Variants in CP observed in about 807,000 individuals in gnomAD.
The protein encoded by CP is caeruloplasmin.
A neutral mutation model predicts 122.4 loss-of-function variants in CP; 64 were observed. The observed-to-expected ratio is 0.52, with a 90% CI of 0.43 to 0.64. The LOEUF (loss-of-function observed/expected upper bound fraction) is 0.64. Among genes scored for constraint, CP ranks in the 30% least tolerant of loss-of-function variants. The pLI, the probability that CP is intolerant of heterozygous loss-of-function variation, is 0.00. For synonymous variants in CP, 440 were observed against 436.4 expected (o/e 1.01, Z -0.10); for missense variants, 1,167 against 1,284.4 (o/e 0.91, Z 1.40).
intron 12 of CP, among the ~76,000 whole-genome samples, chr3:149,184,138 C>T (rs910378594): frequency 2.7e-5 from 4 of 148,040 alleles, no homozygotes; most frequent in Non-Finnish European, 4.5e-5. Flanking sequence ...CGGGTTCACG[C>T]CATTCTCCTG....
intron 8 of CP, among the ~76,000 whole-genome samples, chr3:149,199,466 T>G (rs1028725759): frequency 6.6e-6 from 1 of 152,176 alleles, no homozygotes; most frequent in South Asian, 2.1e-4. Flanking sequence ...AAATGTATAA[T>G]TGATACAACC....
At chr3:149,210,421 T>G (rs1229564108) in intron 2 of CP, 42 bp from the exon 3 acceptor site, 1 of 1,498,744 alleles carries the variant, frequency 6.7e-7, no homozygotes, top group Admixed American at 1.7e-5. Context: ...TGAATGTGTT[T>G]GAACTTAAAT....
intron 14 of CP, among the ~76,000 whole-genome samples, chr3:149,180,772 C>A (rs1223085177): frequency 6.6e-6 from 1 of 152,138 alleles, no homozygotes; most frequent in Non-Finnish European, 1.5e-5. Flanking sequence ...TCTGCTTTTA[C>A]TTATTCTCAT....
At position 149,185,226 on chromosome 3, in the gene CP, T is replaced by C; in HGVS notation, c.2285+13A>G. On this transcript the variant is annotated intron_variant, in intron 12 of 18. Coordinates refer to ENST00000264613, the MANE Select transcript of CP (RefSeq NM_000096.4). ...TTACTGCTGAAATTGGGAATCAGAG[T>C]CTGGAGAATTACTTCTGCTCTTGTA... The C allele has an allele frequency of 1.9e-6, 3 of 1,611,218 alleles. No individual in the cohort carries two copies. Among genetic ancestry groups the C allele is most frequent in the Non-Finnish European group, 2.5e-6 (3 of 1,179,252 alleles).
chr3:149,213,049 CAGTT>C (rs1342704919), intron 1 of CP, among the ~76,000 whole-genome samples: 1 of 152,072 alleles, frequency 6.6e-6, no homozygotes, highest in Admixed American at 6.5e-5. Context: ...TAAAATAAAG[CAGTT>C]AATTAAGACA....
At chr3:149,202,605 C>CT (rs34873592) in intron 6 of CP, among the ~76,000 whole-genome samples, 5,175 of 106,810 alleles carry the variant, frequency 0.048, 231 homozygotes, top group Non-Finnish European at 0.063. Flanking sequence ...TGTTGTTTGT[C>CT]TTTTTTTTTT....
intron 7 of CP, among the ~76,000 whole-genome samples, chr3:149,200,398 T>C (rs1185348539): frequency 6.6e-6 from 1 of 152,234 alleles, no homozygotes; most frequent in Non-Finnish European, 1.5e-5. Context: ...CTATCTGTTC[T>C]TCTGAGTGTA....
intron 5 of CP, among the ~76,000 whole-genome samples, chr3:149,164,861 T>G (rs949992187): frequency 2.6e-5 from 4 of 152,174 alleles, no homozygotes; most frequent in Non-Finnish European, 4.4e-5. Context: ...CTCATGCATC[T>G]TCATCATTTG....
chr3:149,184,028 C>CTT (rs869206210), intron 12 of CP, among the ~76,000 whole-genome samples: 11,594 of 63,360 alleles, frequency 0.18, 3,161 homozygotes, highest in African/African-American at 0.24. Flanking sequence ...TCACTTACTT[C>CTT]TTTTTTTTTT....
At chr3:149,196,556 T>G (rs1726909488) in intron 9 of CP, among the ~76,000 whole-genome samples, 1 of 152,140 alleles carries the variant, frequency 6.6e-6, no homozygotes. Context: ...GAGCCTGGTG[T>G]CTCGTTATAC....
At chr3:149,181,975 C>CCGGG in intron 14 of CP, 30 bp downstream of exon 14, 1 of 1,088,426 alleles carries the variant, frequency 9.2e-7, no homozygotes, top group Non-Finnish European at 1.4e-6. Context: ...TGTTAAAATG[C>CCGGG]ACCACCCCCA....
At position 149,177,930 on chromosome 3, in the gene CP, C is replaced by T. The variant is rs781557084; in HGVS notation, c.2928G>A (p.Val976=). ...FGNLQGLTMH[V]GDEVNWYLMG... ...TCAGATACCAGTTGACTTCATCTCC[C>T]ACGTGCATTGTGAGGCCTTGTAGGT... is the stretch of plus-strand genomic sequence containing the variant. Residue 976 remains valine, a synonymous_variant, in exon 17 of 19, where the codon GTG becomes GTA. Coordinates refer to ENST00000264613, the MANE Select transcript of CP (RefSeq NM_000096.4). The T allele has an allele frequency of 6.2e-7, 1 of 1,613,554 alleles. No homozygotes were observed. The highest frequency in any genetic ancestry group is 8.5e-7 in the Non-Finnish European group (1 of 1,179,506).
chr3:149,220,209 A>G (rs1176192207), intron 1 of CP, among the ~76,000 whole-genome samples: 3 of 152,074 alleles, frequency 2.0e-5, no homozygotes, highest in African/African-American at 7.2e-5. Context: ...TTTTTTTTTG[A>G]AGCATATTCA....
At position 149,188,226 on chromosome 3, in the gene CP, T is replaced by C. The variant is rs201297764; in HGVS notation, c.1714-24A>G. Reference sequence around the variant, plus strand: ...TTCTGTAAATCAAAACAAAATGAGATGGAGACAGAATGAATAAAGCAGAAG... The same window carrying C: ...TTCTGTAAATCAAAACAAAATGAGACGGAGACAGAATGAATAAAGCAGAAG... On this transcript the variant is annotated intron_variant, in intron 9 of 18. Coordinates refer to ENST00000264613, the MANE Select transcript of CP (RefSeq NM_000096.4). 8.6e-5 allele frequency: 137 copies of C among 1,600,062 alleles called. No individual in the cohort carries two copies. In the East Asian group the frequency reaches 3.1e-3, roughly 36 times the overall value.
At chr3:149,186,240 G>T in intron 11 of CP, 1 of 468,168 alleles carries the variant, frequency 2.1e-6, no homozygotes, top group East Asian at 4.1e-5. Context: ...ATCTTTAAAA[G>T]GACCATAATC....
At chr3:149,207,677 T>C in intron 4 of CP, 60 bp from the exon 5 acceptor site, 1 of 1,556,832 alleles carries the variant, frequency 6.4e-7, no homozygotes, top group Non-Finnish European at 8.9e-7. Flanking sequence ...TAGTGAGAGT[T>C]ACCTCTATAT....
intron 9 of CP, among the ~76,000 whole-genome samples, chr3:149,196,350 A>G (rs756110621): frequency 1.3e-5 from 2 of 152,224 alleles, no homozygotes; most frequent in Non-Finnish European, 2.9e-5. Flanking sequence ...TGAAATCATG[A>G]TGAATTTATC....
In CP at chr3:149,178,604, G is replaced by A. The variant is rs368775999; in HGVS notation, c.2689C>T (p.Leu897=). 8.1e-6 allele frequency: 13 copies of A among 1,612,836 alleles called. No homozygotes were observed. The highest frequency in any genetic ancestry group is 1.0e-5 in the Non-Finnish European group (12 of 1,179,188). ...AAGTAAGGTCTTCGACAAACAATCAGGGGGCCAATTAATCCACTGTAGAGG... is the reference window on the plus strand; with the variant it reads ...AAGTAAGGTCTTCGACAAACAATCAAGGGGCCAATTAATCCACTGTAGAGG... ...KDLYSGLIGP[L]IVCRRPYLKV... is the part of the protein sequence containing the mutation. The change falls in exon 16 of 19, where the codon CTG becomes TTG. Residue 897 remains leucine, a synonymous_variant. Coordinates refer to ENST00000264613, the MANE Select transcript of CP (RefSeq NM_000096.4).
downstream of CP, chr3:149,168,006 T>G: frequency 7.6e-7 from 1 of 1,313,288 alleles, no homozygotes; most frequent in Non-Finnish European, 1.1e-6. Context: ...TTTTTTTGCT[T>G]GATTATAAAC....
Sources: gnomAD v4.1 joint callset for allele counts (sites outside exome capture counted in the v4.1 genomes callset) on GRCh38, gnomAD v4.1.1 for gene constraint, MANE v1.5 for transcripts, NCBI Gene and HGNC (gene_info 2026-07-23, HGNC 2026-07-21) for gene names.